Variants in RPS6KA2 observed in about 807,000 individuals in gnomAD.
RPS6KA2 encodes the protein ribosomal protein S6 kinase alpha-2.
In RPS6KA2, 42 loss-of-function variants were observed where a neutral mutation model predicts 91.8. That is an observed-to-expected ratio of 0.46 (90% CI 0.36 to 0.59). The LOEUF is 0.59. RPS6KA2 is among the 20% of genes least tolerant of loss of function. RPS6KA2 has a pLI of 0.00. For missense variants in RPS6KA2, 798 were observed against 978.5 expected (o/e 0.82, Z 2.46); for synonymous variants, 414 against 393.6 (o/e 1.05, Z -0.61).
chr6:166,811,771 T>G (rs934445614), intron 2 of RPS6KA2, among the ~76,000 whole-genome samples: 3 of 152,234 alleles, frequency 2.0e-5, no homozygotes, highest in Non-Finnish European at 4.4e-5. Flanking sequence ...TCTACTAGAG[T>G]TCCAAAGTCT....
intron 2 of RPS6KA2, among the ~76,000 whole-genome samples, chr6:166,711,179 G>A (rs1265428330): frequency 6.6e-6 from 1 of 151,192 alleles, no homozygotes; most frequent in Non-Finnish European, 1.5e-5. Flanking sequence ...GCCACAGAGG[G>A]AGCTGGAGCC....
intron 2 of RPS6KA2, among the ~76,000 whole-genome samples, chr6:166,646,507 A>G (rs1787605536): frequency 6.6e-6 from 1 of 152,252 alleles, no homozygotes; most frequent in South Asian, 2.1e-4. Context: ...TTCTTTATTC[A>G]TGACATTGCA....
At chr6:166,812,788 C>T (rs1779673007) in intron 2 of RPS6KA2, among the ~76,000 whole-genome samples, 1 of 152,188 alleles carries the variant, frequency 6.6e-6, no homozygotes, top group Admixed American at 6.5e-5. Flanking sequence ...CAGCTTCTCA[C>T]ATTTTTCATC....
intron 1 of RPS6KA2, among the ~76,000 whole-genome samples, chr6:166,558,653 T>C (rs1384157459): frequency 1.3e-5 from 2 of 152,050 alleles, no homozygotes; most frequent in African/African-American, 4.8e-5. Context: ...GGGCGGTAAA[T>C]GTGCTTATAA....
chr6:166,644,574 A>G (rs949905189), intron 2 of RPS6KA2, among the ~76,000 whole-genome samples: 4 of 152,216 alleles, frequency 2.6e-5, no homozygotes, highest in African/African-American at 7.2e-5. Flanking sequence ...AAGTTGCGTG[A>G]AAGTATATTG....
chr6:166,565,898 G>A (rs1216240657), intron 1 of RPS6KA2, among the ~76,000 whole-genome samples: 1 of 152,250 alleles, frequency 6.6e-6, no homozygotes, highest in Non-Finnish European at 1.5e-5. Flanking sequence ...ACTGCAGCCA[G>A]CACTGCCAGG....
chr6:166,630,925 G>A (rs1223234789), upstream of RPS6KA2, among the ~76,000 whole-genome samples: 1 of 152,230 alleles, frequency 6.6e-6, no homozygotes, highest in African/African-American at 2.4e-5. Flanking sequence ...CAGTTCAGGT[G>A]GGGGCACGTT....
chr6:166,575,013 A>G (rs1362584287), intron 1 of RPS6KA2, among the ~76,000 whole-genome samples: 2 of 152,214 alleles, frequency 1.3e-5, no homozygotes, highest in African/African-American at 4.8e-5. Context: ...TAATTTAAAA[A>G]TTTCCCTGGT....
chr6:166,525,554 G>T (rs1479892518), intron 3 of RPS6KA2, among the ~76,000 whole-genome samples: 1 of 152,184 alleles, frequency 6.6e-6, no homozygotes, highest in East Asian at 1.9e-4. Flanking sequence ...ATTATCCTCC[G>T]AGGTGAGCTG....
intron 14 of RPS6KA2, among the ~76,000 whole-genome samples, chr6:166,441,178 T>C (rs1779507789): frequency 6.6e-6 from 1 of 152,194 alleles, no homozygotes; most frequent in South Asian, 2.1e-4. Context: ...TTCTTTCTTT[T>C]CTATTTTCTA....
In RPS6KA2 at chr6:166,418,096, A is replaced by G; in HGVS notation, c.1938+129T>C. 1 of 706,136 alleles carries G rather than the reference A, an allele frequency of 1.4e-6. No individual in the cohort carries two copies. The highest frequency in any genetic ancestry group is 2.4e-6 in the Non-Finnish European group (1 of 414,100). The allele number at this position is 706,136 out of a possible 1,614,324, so 43.7% of individuals were successfully genotyped here. ...CAGAGCGAGACTCCATTTCAAGAAA[A>G]AAAAAAAAATATGCTGAGGATAAAA... On this transcript the variant is annotated intron_variant, in intron 19 of 20. Coordinates refer to ENST00000265678, the MANE Select transcript of RPS6KA2 (RefSeq NM_021135.6). The surrounding 1 kb of genome is among the most constrained non-coding windows in gnomAD (Gnocchi z 4.9).
intron 2 of RPS6KA2, among the ~76,000 whole-genome samples, chr6:166,673,059 C>G (rs2128561774): frequency 6.6e-6 from 1 of 152,288 alleles, no homozygotes; most frequent in Middle Eastern, 3.4e-3. Context: ...CTTCCCTCCC[C>G]ACTTCCTCCC....
chr6:166,698,375 G>A (rs1789414200), intron 2 of RPS6KA2, among the ~76,000 whole-genome samples: 1 of 152,180 alleles, frequency 6.6e-6, no homozygotes, highest in African/African-American at 2.4e-5. Context: ...GTCAACCTCT[G>A]GAGAGAATGC....
intron 11 of RPS6KA2, among the ~76,000 whole-genome samples, chr6:166,462,080 C>T (rs980283073): frequency 2.6e-5 from 4 of 152,258 alleles, no homozygotes; most frequent in Non-Finnish European, 5.9e-5. Context: ...CGCGCAGGTG[C>T]CACCCAGGGT....
intron 11 of RPS6KA2, among the ~76,000 whole-genome samples, chr6:166,466,403 C>T (rs2235284): frequency 0.32 from 48,793 of 152,174 alleles, 9,749 homozygotes; most frequent in African/African-American, 0.57. Context: ...TTAGCAAGTG[C>T]GTAAGCCCTT....
At chr6:166,591,303 A>G (rs35574615) in intron 1 of RPS6KA2, among the ~76,000 whole-genome samples, 12,980 of 152,216 alleles carry the variant, frequency 0.085, 697 homozygotes, top group East Asian at 0.26. Flanking sequence ...GATGAGCAGA[A>G]TGCCTTTAGA....
intron 2 of RPS6KA2, among the ~76,000 whole-genome samples, chr6:166,727,718 G>A (rs1441897585): frequency 2.0e-5 from 3 of 152,108 alleles, no homozygotes; most frequent in Non-Finnish European, 4.4e-5. Context: ...GCACCTTAAG[G>A]CACCAGCAGC....
intron 2 of RPS6KA2, among the ~76,000 whole-genome samples, chr6:166,693,240 T>A (rs1333192579): frequency 6.6e-6 from 1 of 152,168 alleles, no homozygotes; most frequent in African/African-American, 2.4e-5. Flanking sequence ...GGATTTTGCC[T>A]CCTATCACTG....
chr6:166,818,124 ATAT>A (rs1779817367), intron 2 of RPS6KA2, among the ~76,000 whole-genome samples: 1 of 152,220 alleles, frequency 6.6e-6, no homozygotes, highest in African/African-American at 2.4e-5. Context: ...CATGACAATA[ATAT>A]TGTTGTGCTC....
Sources: allele counts gnomAD v4.1 joint callset (sites outside exome capture counted in the v4.1 genomes callset), GRCh38; gene constraint gnomAD v4.1.1; non-coding constraint Gnocchi (gnomAD v3.1); transcripts MANE v1.5; gene names NCBI Gene and HGNC (gene_info 2026-07-23, HGNC 2026-07-21).